EPB41: variants seen among roughly 807,000 people sequenced by gnomAD.
EPB41 encodes the protein protein 4.1.
In EPB41, 65 loss-of-function variants were observed where a neutral mutation model predicts 108.0. The ratio of observed to expected loss-of-function variants is 0.60; its 90% CI spans 0.49 to 0.74. The LOEUF is 0.74. EPB41 is among the 30% of genes least tolerant of loss of function. The pLI is 0.00. For missense variants in EPB41, 875 were observed against 1,037.0 expected (o/e 0.84, Z 2.15); for synonymous variants, 336 against 358.9 (o/e 0.94, Z 0.72).
intron 4 of EPB41, among the ~76,000 whole-genome samples, chr1:29,006,650 C>T (rs948821783): frequency 4.6e-5 from 7 of 152,092 alleles, no homozygotes; most frequent in Non-Finnish European, 8.8e-5. Flanking sequence ...CTACCTCCAA[C>T]CCCTTATCAG....
At chr1:29,027,259 C>T (rs968762330) in intron 7 of EPB41, among the ~76,000 whole-genome samples, 1 of 151,972 alleles carries the variant, frequency 6.6e-6, no homozygotes, top group African/African-American at 2.4e-5. Flanking sequence ...CTCAGCCTCC[C>T]AAGTAGCTGT....
rs138176089 is a variant in EPB41, at chr1:28,993,575, T to C, written c.681+33T>C. 6.9e-4 allele frequency: 1,098 copies of C among 1,600,980 alleles called. 10 individuals carry two copies. The African/African-American group carries it at 0.013, about 19-fold the overall frequency. ...TGTTTTCATTTCCAACAATCAGAACTCTTACAGGTGGTTTCATCTAGAGTT... is the reference window on the plus strand; with the variant it reads ...TGTTTTCATTTCCAACAATCAGAACCCTTACAGGTGGTTTCATCTAGAGTT... On this transcript the variant is annotated intron_variant, in intron 3 of 20. Coordinates refer to ENST00000343067, the MANE Select transcript of EPB41 (RefSeq NM_001376013.1).
chr1:29,093,562 C>A (rs1456282399), intron 16 of EPB41, among the ~76,000 whole-genome samples: 1 of 152,136 alleles, frequency 6.6e-6, no homozygotes, highest in Non-Finnish European at 1.5e-5. Context: ...TCCCATTTGT[C>A]AATTTTTGCT....
intron 7 of EPB41, among the ~76,000 whole-genome samples, chr1:29,020,534 A>T (rs1316812008): frequency 6.6e-6 from 1 of 152,144 alleles, no homozygotes; most frequent in South Asian, 2.1e-4. Context: ...AATATTTTTT[A>T]TTAGTTATAA....
chr1:28,975,658 C>T (rs993835157), intron 1 of EPB41, among the ~76,000 whole-genome samples: 2 of 152,114 alleles, frequency 1.3e-5, no homozygotes, highest in African/African-American at 2.4e-5. Flanking sequence ...TACACGTACA[C>T]TCTGGAAAGA....
At chr1:29,113,361 A>G (rs935501125) in intron 19 of EPB41, among the ~76,000 whole-genome samples, 1 of 152,222 alleles carries the variant, frequency 6.6e-6, no homozygotes, top group Non-Finnish European at 1.5e-5. Context: ...AAAAAAAGAA[A>G]AACTGAGCTA....
At chr1:29,088,882 G>C (rs1464420000) in intron 16 of EPB41, among the ~76,000 whole-genome samples, 2 of 152,170 alleles carry the variant, frequency 1.3e-5, no homozygotes, top group Non-Finnish European at 2.9e-5. Flanking sequence ...GCCTCAGATG[G>C]GAAGATCCCT....
chr1:28,944,521 ACT>A (rs2094420938), intron 1 of EPB41, among the ~76,000 whole-genome samples: 1 of 146,834 alleles, frequency 6.8e-6, no homozygotes, highest in Non-Finnish European at 1.5e-5. Flanking sequence ...TAAACATAAA[ACT>A]CTCAGATCTG....
intron 3 of EPB41, among the ~76,000 whole-genome samples, chr1:28,996,084 A>G (rs1215824579): frequency 1.3e-5 from 2 of 152,186 alleles, no homozygotes; most frequent in African/African-American, 4.8e-5. Flanking sequence ...AACAATTCCA[A>G]TAAAGAGGTA....
chr1:28,903,718 T>A (rs1376261836), intron 1 of EPB41, among the ~76,000 whole-genome samples: 1 of 152,150 alleles, frequency 6.6e-6, no homozygotes, highest in Non-Finnish European at 1.5e-5. Context: ...TATAAAACAC[T>A]TGGTGTAATG....
rs945167462 is a variant in EPB41, at chr1:29,115,320, G to T, written c.2497-379G>T. On this transcript the variant is annotated intron_variant, in intron 19 of 20. Transcript: ENST00000343067. This position sits in a 1 kb window ranked among gnomAD's most constrained non-coding sequence, Gnocchi z 4.4. Reference sequence around the variant, plus strand: ...AAGCAGGAGAACTGCTTGAACCTGGGAGGCGGAGGTTGCAGTGAGCCGAGA... The same window carrying T: ...AAGCAGGAGAACTGCTTGAACCTGGTAGGCGGAGGTTGCAGTGAGCCGAGA... Among the ~76,000 whole-genome samples, 1 of 152,154 alleles carries T rather than the reference G, an allele frequency of 6.6e-6. No homozygotes were observed. The highest frequency in any genetic ancestry group is 1.5e-5 in the Non-Finnish European group (1 of 68,030).
intron 1 of EPB41, among the ~76,000 whole-genome samples, chr1:28,905,818 C>CTTT (rs573552880): frequency 6.7e-5 from 9 of 133,868 alleles, no homozygotes; most frequent in East Asian, 2.1e-4. Context: ...TTCTTTCTTT[C>CTTT]TTTTTTTTTT....
chr1:28,941,698 C>A (rs1422570702), intron 1 of EPB41, among the ~76,000 whole-genome samples: 4 of 152,048 alleles, frequency 2.6e-5, no homozygotes, highest in Non-Finnish European at 5.9e-5. Flanking sequence ...GAGTTCCAGA[C>A]CAGCCTGACC....
At chr1:28,965,014 A>G (rs773945905) in intron 1 of EPB41, among the ~76,000 whole-genome samples, 7 of 152,174 alleles carry the variant, frequency 4.6e-5, no homozygotes, top group Non-Finnish European at 7.3e-5. Flanking sequence ...GATTTTTAAA[A>G]TAGACTGTGT....
At chr1:28,990,508 CCTCCCGGGCTCAAG>C (rs1473854347) in intron 2 of EPB41, among the ~76,000 whole-genome samples, 1 of 151,660 alleles carries the variant, frequency 6.6e-6, no homozygotes, top group African/African-American at 2.4e-5. Flanking sequence ...ACAGCCTCAA[CCTCCCGGGCTCAAG>C]CTATCCTCCC....
At chr1:29,033,935 C>A (rs1010325224) in intron 9 of EPB41, among the ~76,000 whole-genome samples, 4 of 152,096 alleles carry the variant, frequency 2.6e-5, no homozygotes, top group Non-Finnish European at 4.4e-5. Flanking sequence ...CAGGATAATA[C>A]CTTCTCCATC....
chr1:28,973,400 A>G (rs2095535587), intron 1 of EPB41, among the ~76,000 whole-genome samples: 1 of 151,724 alleles, frequency 6.6e-6, no homozygotes, highest in Non-Finnish European at 1.5e-5. Flanking sequence ...GTTTATTTTT[A>G]TTTTTCAGAG....
rs1419533739 is a variant in EPB41, at chr1:28,977,148, C to T, written c.-7-10283C>T. ...GATTACAGGTGTGAGCCACTGTGCC[C>T]AGTGGTTTTTTATTTTTTTTCTTCT... On this transcript the variant is annotated intron_variant, in intron 1 of 20. Transcript: ENST00000343067. Among the ~76,000 whole-genome samples, 3 of 152,074 alleles carry T rather than the reference C, an allele frequency of 2.0e-5. No individual in the cohort carries two copies. In the East Asian group the frequency reaches 5.8e-4, roughly 29 times the overall value.
intron 4 of EPB41, among the ~76,000 whole-genome samples, chr1:28,997,575 G>A (rs894751263): frequency 2.1e-4 from 32 of 152,122 alleles, no homozygotes; most frequent in East Asian, 1.3e-3. Context: ...AAATAAAGAG[G>A]TATGATGCAC....
Sources: allele counts gnomAD v4.1 joint callset (sites outside exome capture counted in the v4.1 genomes callset), GRCh38; gene constraint gnomAD v4.1.1; non-coding constraint Gnocchi (gnomAD v3.1); transcripts MANE v1.5; gene names NCBI Gene and HGNC (gene_info 2026-07-23, HGNC 2026-07-21).